MFSD12: variants seen among roughly 807,000 people sequenced by gnomAD.
The protein encoded by MFSD12 is major facilitator superfamily domain containing 12.
Under a neutral mutation model 51.2 loss-of-function variants are expected in MFSD12, and 67 were observed. The ratio of observed to expected loss-of-function variants is 1.31; its 90% CI spans 1.08 to 1.60. The LOEUF (loss-of-function observed/expected upper bound fraction) is 1.60, where lower values mean the gene tolerates loss of function less well. Ranked by LOEUF, MFSD12 falls within the 40% of genes most tolerant of loss-of-function variation. MFSD12 has a pLI of 0.00. For missense variants in MFSD12, 921 were observed against 673.0 expected, an observed-to-expected ratio of 1.37 and a Z score of -4.08; for synonymous variants, 441 against 316.7, an observed-to-expected ratio of 1.39 and a Z score of -4.17.
rs557937150 is a variant in MFSD12, at chr19:3,538,394, T to G, written c.*368A>C. ...CATCCCATCTGATTCCAGAACATTC[T>G]CATCACCCAGAAGGCAGCCCTGTCC... On this transcript the variant is annotated 3_prime_UTR_variant, in exon 5 of 5. Coordinates refer to the MFSD12 transcript ENST00000398558. 9 of 251,974 alleles carry G rather than the reference T, an allele frequency of 3.6e-5. No individual in the cohort carries two copies. The South Asian group carries it at 3.6e-4, about 10-fold the overall frequency. The allele number at this position is 251,974 out of a possible 1,614,324, so 15.6% of individuals were successfully genotyped here. A position where few individuals can be genotyped will look rare whatever the true frequency, so the allele number is the denominator to read the frequency against.
At chr19:3,553,934 T>C (rs950246280) in intron 1 of MFSD12, among the ~76,000 whole-genome samples, 1 of 149,928 alleles carries the variant, frequency 6.7e-6, no homozygotes, top group Non-Finnish European at 1.5e-5. Flanking sequence ...ATACAAAAAT[T>C]AGCCGGGCAT....
chr19:3,542,620 C>T, downstream of MFSD12: 1 of 753,898 alleles, frequency 1.3e-6, no homozygotes, highest in Non-Finnish European at 1.6e-6. Flanking sequence ...ATTACAGGTG[C>T]CCCCCGCCCC....
chr19:3,543,150 A>G, downstream of MFSD12: 2 of 1,514,108 alleles, frequency 1.3e-6, no homozygotes, highest in South Asian at 2.5e-5. Flanking sequence ...AGGCCTCTAC[A>G]TCATCCACCC....
downstream of MFSD12, chr19:3,542,291 G>A (rs534900939): frequency 5.9e-4 from 578 of 985,392 alleles, no homozygotes; most frequent in Non-Finnish European, 6.6e-4. Flanking sequence ...GCACCTGGGA[G>A]TCTAGTCAGG....
Position 3,557,449 on chromosome 19 carries a change from T to G in MFSD12, c.-46A>C. On this transcript the variant is annotated 5_prime_UTR_variant, in exon 1 of 10. Transcript: ENST00000355415. ...CCCCACCCCCGGGCTCCGCGGAGGG[T>G]ACCCTGGCCAGGCCTTCTTGGGTGC... 8.7e-7 allele frequency: 1 copy of G among 1,146,404 alleles called. No individual in the cohort carries two copies. Among genetic ancestry groups the G allele is most frequent in the African/African-American group, 1.7e-5 (1 of 60,454 alleles). 71.0% of individuals were successfully genotyped at this position (1,146,404 alleles called of 1,614,324 possible).
rs774794823 is a variant in MFSD12, at chr19:3,551,083, A to T, written c.410T>A (p.Ile137Asn). Residue 137 changes from isoleucine (I) to asparagine (N), a missense_variant, in exon 2 of 10, where the codon ATC becomes AAC. Transcript: ENST00000355415. The surrounding 1 kb of genome is among the most constrained non-coding windows in gnomAD (Gnocchi z 4.6). ...TGTGGAGGCCCAGCCAAACTGGAAGATCACGATGAACGGGCCGTAGTAGAG... is the reference window on the plus strand; with the variant it reads ...TGTGGAGGCCCAGCCAAACTGGAAGTTCACGATGAACGGGCCGTAGTAGAG... ...ALLYYGPFIV[I>N]FQFGWASTQI... 11 of 1,612,976 alleles carry T rather than the reference A, an allele frequency of 6.8e-6. No individual in the cohort carries two copies. Among genetic ancestry groups the T allele is most frequent in the Non-Finnish European group, 8.5e-6 (10 of 1,179,996 alleles).
At chr19:3,555,153 G>T (rs2031670053) in intron 1 of MFSD12, among the ~76,000 whole-genome samples, 1 of 152,202 alleles carries the variant, frequency 6.6e-6, no homozygotes, top group Admixed American at 6.5e-5. Flanking sequence ...CTCTCGCTGT[G>T]TCTGGAGTGC....
chr19:3,544,450 G>GGGGCAC lies in MFSD12; in HGVS notation c.*254_*259dup. The GGGGCAC allele has an allele frequency of 7.4e-7, 1 of 1,342,620 alleles. No homozygotes were observed. Among genetic ancestry groups the GGGGCAC allele is most frequent in the East Asian group, 2.7e-5 (1 of 36,574 alleles). 83.2% of individuals were successfully genotyped at this position (1,342,620 alleles called of 1,614,324 possible). A position where few individuals can be genotyped will look rare whatever the true frequency, so the allele number is the denominator to read the frequency against. On this transcript the variant is annotated 3_prime_UTR_variant, in exon 10 of 10. Transcript: ENST00000355415. ...TCCTACTTCCTGTTCCCTGCCGAGA[G>GGGGCAC]GGGCACCCCAAATCCTCCAGAGGGC...
At chr19:3,543,561 C>T (rs1021187614), downstream of MFSD12, 5 of 1,538,404 alleles carry the variant, frequency 3.3e-6, no homozygotes, top group African/African-American at 4.1e-5. Flanking sequence ...GCAGCCTACA[C>T]CCAGCACCTG....
At chr19:3,547,768 G>A in intron 4 of MFSD12, 80 bp downstream of exon 4, 1 of 1,422,306 alleles carries the variant, frequency 7.0e-7, no homozygotes. Context: ...CTCTGCGTCT[G>A]GACGCAGCTG....
downstream of MFSD12, chr19:3,543,293 CGCTG>C (rs1568249809): frequency 6.5e-7 from 1 of 1,548,658 alleles, no homozygotes; most frequent in African/African-American, 1.4e-5. Flanking sequence ...GCAGGCCACA[CGCTG>C]GAAGTACACG....
downstream of MFSD12, chr19:3,543,030 G>A: frequency 1.2e-6 from 2 of 1,606,124 alleles, no homozygotes; most frequent in Non-Finnish European, 1.7e-6. Flanking sequence ...GCGATGTGTG[G>A]GGAGAGGGGG....
At chr19:3,538,926 G>T in intron 4 of MFSD12, 1 of 661,284 alleles carries the variant, frequency 1.5e-6, no homozygotes, top group East Asian at 2.8e-5. Context: ...CCCAGGTGGG[G>T]GGTGCATAGA....
rs368957658 is a variant in MFSD12, at chr19:3,547,833, G to A, written c.837+15C>T. ...AGAGAAGGCCCACGCCAGCCCCACC[G>A]TCCCCAGCACGCACCTGGTAGAAAG... On this transcript the variant is annotated intron_variant, in intron 4 of 9. Coordinates refer to ENST00000355415, the MANE Select transcript of MFSD12 (RefSeq NM_174983.5). 2.2e-5 allele frequency: 33 copies of A among 1,480,372 alleles called. 1 individual carries two copies. Among genetic ancestry groups the A allele is most frequent in the Admixed American group, 1.4e-4 (5 of 35,896 alleles). 91.7% of individuals were successfully genotyped at this position (1,480,372 alleles called of 1,614,324 possible). A position where few individuals can be genotyped will look rare whatever the true frequency, so the allele number is the denominator to read the frequency against.
In MFSD12 at chr19:3,546,258, G is replaced by C. The variant is rs969141616; in HGVS notation, c.1191C>G (p.His397Gln). Residue 397 changes from histidine to glutamine, a missense_variant, in exon 7 of 10, where the codon CAC becomes CAG. Coordinates refer to ENST00000355415, the MANE Select transcript of MFSD12 (RefSeq NM_174983.5). ...CCAGCCTGGCTACCAGCCCTACCGT[G>C]TGGGGACCGATGAGGTCGGCCGTCA... Reference protein sequence around the residue: ...LAMTADLIGPHTNSGAFVYGS... With the variant: ...LAMTADLIGPQTNSGAFVYGS... 6 of 1,610,764 alleles carry C rather than the reference G, an allele frequency of 3.7e-6. No individual in the cohort carries two copies. The highest frequency in any genetic ancestry group is 4.2e-6 in the Non-Finnish European group (5 of 1,179,058).
rs554287294 is a variant in MFSD12, at chr19:3,546,676, G to A, written c.1024-251C>T. ...TGCCTGAGCGCAGGTCAGTTACAAC[G>A]AAAGCAAACGACGGACTCGGCTCAG... is the stretch of plus-strand genomic sequence containing the variant. On this transcript the variant is annotated intron_variant, in intron 6 of 9. Coordinates refer to ENST00000355415, the MANE Select transcript of MFSD12 (RefSeq NM_174983.5). 1.9e-4 allele frequency among the ~76,000 whole-genome samples: 29 copies of A among 152,378 alleles called. No homozygotes were observed. The South Asian group carries it at 4.8e-3, about 25-fold the overall frequency.
chr19:3,545,067 GC>G, intron 8 of MFSD12, 128 bp from the exon 9 acceptor site: 3 of 1,265,712 alleles, frequency 2.4e-6, no homozygotes, highest in Admixed American at 2.5e-5. Flanking sequence ...TGGGGGCCCT[GC>G]CACTCCCTCC....
Position 3,547,272 on chromosome 19 carries a change from G to A in MFSD12, c.1023C>T (p.Asn341=), listed in dbSNP as rs373284200. The A allele has an allele frequency of 2.1e-5, 34 of 1,612,478 alleles. No homozygotes were observed. Among genetic ancestry groups the A allele is most frequent in the South Asian group, 1.3e-4 (12 of 91,074 alleles). The change falls in exon 6 of 10, where the codon AAC becomes AAT. Residue 341 remains asparagine (N), a splice_region_variant and synonymous_variant. Transcript: ENST00000355415. The part of the protein sequence containing the change: ...MKPINKCIGR[N]MTYFSGLLVI... The stretch of plus-strand genomic sequence containing the variant: ...CTGTCCCCGGTCCCCGCCCACTCAC[G>A]TTCCTCCCAATGCACTTGTTGATGG...
At chr19:3,542,629 C>T, downstream of MFSD12, 1 of 1,012,426 alleles carries the variant, frequency 9.9e-7, no homozygotes, top group Non-Finnish European at 1.3e-6. Context: ...GCCCCCCGCC[C>T]CCACACCATG....
Sources: allele counts gnomAD v4.1 joint callset (sites outside exome capture counted in the v4.1 genomes callset), GRCh38; gene constraint gnomAD v4.1.1; non-coding constraint Gnocchi (gnomAD v3.1); transcripts MANE v1.5; gene names NCBI Gene and HGNC (gene_info 2026-07-23, HGNC 2026-07-21).